CHRM5: variants seen among roughly 807,000 people sequenced by gnomAD.
The protein encoded by CHRM5 is cholinergic receptor muscarinic 5, also known as muscarinic acetylcholine receptor M5.
In CHRM5, 18 loss-of-function variants were observed where a neutral mutation model predicts 39.0. The ratio of observed to expected loss-of-function variants is 0.46; its 90% confidence interval spans 0.32 to 0.68. The LOEUF is 0.68. Among genes scored for constraint, CHRM5 ranks in the 30% least tolerant of loss-of-function variants. CHRM5 has a pLI of 0.04. For synonymous variants in CHRM5, 241 were observed against 246.3 expected (o/e 0.98, Z 0.20); for missense variants, 515 against 651.1 (o/e 0.79, Z 2.28).
intron 1 of CHRM5, among the ~76,000 whole-genome samples, chr15:34,027,271 T>C (rs1056567740): frequency 2.0e-5 from 3 of 152,038 alleles, no homozygotes; most frequent in Non-Finnish European, 2.9e-5. Context: ...TCCTAGCACT[T>C]TGGGAGGCTG....
intron 1 of CHRM5, among the ~76,000 whole-genome samples, chr15:33,983,574 T>G (rs534273887): frequency 2.6e-5 from 4 of 152,222 alleles, no homozygotes; most frequent in African/African-American, 9.6e-5. Context: ...CCTGAACTTT[T>G]AAGGAAAAAC....
rs1900479270 is a variant in CHRM5 at position 34,065,226 on chromosome 15, A to G, written c.*910A>G. 6.6e-6 allele frequency: 1 copy of G among 152,390 alleles called. No homozygotes were observed. Among genetic ancestry groups the G allele is most frequent in the Non-Finnish European group, 1.5e-5 (1 of 68,040 alleles). 9.4% of individuals were successfully genotyped at this position (152,390 alleles called of 1,614,324 possible). Reference sequence around the variant, plus strand: ...AAGACTAATTGTGTAAGAGCCCTTCACTGGCTGAAGATTTTCTCCAGGCTG... The same window carrying G: ...AAGACTAATTGTGTAAGAGCCCTTCGCTGGCTGAAGATTTTCTCCAGGCTG... On this transcript the variant is annotated 3_prime_UTR_variant, in exon 3 of 3. Coordinates refer to ENST00000383263, the MANE Select transcript of CHRM5 (RefSeq NM_012125.4).
rs1010352877 is a variant in CHRM5 at position 33,986,146 on chromosome 15, G to A, written c.-408+16996G>A. On this transcript the variant is annotated intron_variant, in intron 1 of 2. Transcript: ENST00000383263. ...TTTTGAGATGGACTCTCGCTCTGTC[G>A]CCCAGGCTGGAGTGCAGTGGCGCCA... Among the ~76,000 whole-genome samples the A allele has an allele frequency of 4.6e-5, 7 of 150,826 alleles. 1 individual carries two copies. In the South Asian group the frequency reaches 6.4e-4, roughly 14 times the overall value.
chr15:33,990,163 C>T (rs542241568), intron 1 of CHRM5, among the ~76,000 whole-genome samples: 1 of 151,838 alleles, frequency 6.6e-6, no homozygotes, highest in East Asian at 1.9e-4. Flanking sequence ...GAGATTGCAT[C>T]GTTGCAATCC....
intron 1 of CHRM5, among the ~76,000 whole-genome samples, chr15:34,012,050 A>G (rs886711147): frequency 1.3e-5 from 2 of 152,182 alleles, no homozygotes; most frequent in African/African-American, 4.8e-5. Context: ...TGAGCTTCTT[A>G]TAAGAATTTG....
At chr15:34,047,612 G>C (rs959489595) in intron 2 of CHRM5, among the ~76,000 whole-genome samples, 7 of 152,072 alleles carry the variant, frequency 4.6e-5, no homozygotes, top group African/African-American at 1.2e-4. Context: ...GAGGATGACT[G>C]TTACCTCTGT....
At chr15:33,983,211 T>TATAC (rs1555512814) in intron 1 of CHRM5, among the ~76,000 whole-genome samples, 1 of 14,528 alleles carries the variant, frequency 6.9e-5, no homozygotes, top group Non-Finnish European at 1.5e-4. Context: ...TATATATATA[T>TATAC]ATACATATAT....
chr15:33,980,080 T>A (rs1282506480), intron 1 of CHRM5, among the ~76,000 whole-genome samples: 1 of 152,256 alleles, frequency 6.6e-6, no homozygotes. Flanking sequence ...GTTGAATCCA[T>A]GATATTGTTT....
At chr15:34,019,555 G>C (rs1374221778) in intron 1 of CHRM5, among the ~76,000 whole-genome samples, 1 of 152,162 alleles carries the variant, frequency 6.6e-6, no homozygotes, top group Non-Finnish European at 1.5e-5. Context: ...GACTCACTCA[G>C]AGCAACTTTC....
chr15:34,045,023 G>A (rs1327899423), intron 1 of CHRM5, among the ~76,000 whole-genome samples: 3 of 152,152 alleles, frequency 2.0e-5, no homozygotes, highest in East Asian at 3.8e-4. Context: ...ACTCCAGCCT[G>A]GGCGACAGAG....
At chr15:34,041,805 A>C (rs1899486770) in intron 1 of CHRM5, among the ~76,000 whole-genome samples, 1 of 152,196 alleles carries the variant, frequency 6.6e-6, no homozygotes, top group Non-Finnish European at 1.5e-5. Context: ...GAGTTGCAAA[A>C]AAGTTAAATA....
intron 1 of CHRM5, among the ~76,000 whole-genome samples, chr15:33,999,186 G>A (rs1233460799): frequency 6.6e-6 from 1 of 152,214 alleles, no homozygotes; most frequent in Non-Finnish European, 1.5e-5. Context: ...GGAAGAGAAT[G>A]TTTATTCCTC....
At chr15:34,054,060 C>CA (rs1900041945) in intron 2 of CHRM5, among the ~76,000 whole-genome samples, 1 of 151,444 alleles carries the variant, frequency 6.6e-6, no homozygotes, top group African/African-American at 2.4e-5. Flanking sequence ...TACATGCGGC[C>CA]AAAAAACGTG....
chr15:34,063,923 C>T lies in CHRM5; in HGVS notation c.1206C>T (p.Ile402=). 6.2e-7 allele frequency: 1 copy of T among 1,614,176 alleles called. No individual in the cohort carries two copies. The highest frequency in any genetic ancestry group is 1.1e-5 in the South Asian group (1 of 91,082). Residue 402 remains isoleucine (I), a synonymous_variant, in exon 3 of 3, where the codon ATC becomes ATT. Coordinates refer to ENST00000383263, the MANE Select transcript of CHRM5 (RefSeq NM_012125.4). This position sits in a 1 kb window ranked among gnomAD's most constrained non-coding sequence, Gnocchi z 4.1. The part of the protein sequence containing the change: ...ETNNGCHKVK[I]MPCPFPVAKE... ...ACAATGGCTGTCACAAGGTGAAAAT[C>T]ATGCCCTGCCCCTTCCCAGTGGCCA...
chr15:34,034,332 T>A (rs1382852153), intron 1 of CHRM5, among the ~76,000 whole-genome samples: 1 of 151,716 alleles, frequency 6.6e-6, no homozygotes, highest in African/African-American at 2.4e-5. Flanking sequence ...TCCCACCTAC[T>A]CAGGAGGCTG....
intron 2 of CHRM5, among the ~76,000 whole-genome samples, chr15:34,051,874 A>G (rs1026604453): frequency 6.6e-6 from 1 of 152,032 alleles, no homozygotes; most frequent in Non-Finnish European, 1.5e-5. Context: ...AAAAGAAAAA[A>G]AAAACCCAGG....
chr15:33,997,628 T>G (rs986412457), intron 1 of CHRM5, among the ~76,000 whole-genome samples: 1 of 152,144 alleles, frequency 6.6e-6, no homozygotes, highest in African/African-American at 2.4e-5. Flanking sequence ...CAATAATCCT[T>G]CTGCCCTGAA....
At chr15:34,002,045 A>G (rs966625826) in intron 1 of CHRM5, among the ~76,000 whole-genome samples, 13 of 152,212 alleles carry the variant, frequency 8.5e-5, no homozygotes, top group African/African-American at 3.1e-4. Flanking sequence ...ATAATACAGA[A>G]AGATCTCTTG....
intron 2 of CHRM5, among the ~76,000 whole-genome samples, chr15:34,060,876 C>T (rs539584220): frequency 2.0e-5 from 3 of 151,546 alleles, no homozygotes; most frequent in Non-Finnish European, 2.9e-5. Flanking sequence ...GTTAGCCGGG[C>T]GTGGTGGCAG....
Sources: allele counts gnomAD v4.1 joint callset (sites outside exome capture counted in the v4.1 genomes callset), GRCh38; gene constraint gnomAD v4.1.1; non-coding constraint Gnocchi (gnomAD v3.1); transcripts MANE v1.5; gene names NCBI Gene and HGNC (gene_info 2026-07-23, HGNC 2026-07-21).